Variants in AXDND1 observed in about 807,000 individuals in gnomAD.
The protein encoded by AXDND1 is axonemal dynein light chain domain containing 1.
Under a neutral mutation model 137.5 loss-of-function variants are expected in AXDND1, and 110 were observed. That is an observed-to-expected ratio of 0.80 (90% CI 0.69 to 0.94). The LOEUF (loss-of-function observed/expected upper bound fraction) is 0.94. AXDND1 is among the 40% of genes least tolerant of loss of function. AXDND1 has a pLI of 0.00. For missense variants in AXDND1, 1,191 were observed against 1,169.8 expected (o/e 1.02, Z -0.26); for synonymous variants, 414 against 399.7 (o/e 1.04, Z -0.43).
chr1:179,408,968 C>CTTTTT (rs74384865), intron 11 of AXDND1, among the ~76,000 whole-genome samples: 55 of 126,360 alleles, frequency 4.4e-4, no homozygotes, highest in African/African-American at 1.1e-3. Context: ...TTTTTTCTTT[C>CTTTTT]TTTTTTTTTT....
intron 17 of AXDND1, among the ~76,000 whole-genome samples, chr1:179,478,497 C>A (rs72721237): frequency 0.093 from 14,088 of 152,262 alleles, 918 homozygotes; most frequent in African/African-American, 0.17. Flanking sequence ...CCAGCTGTAT[C>A]TTGGACCCTT....
chr1:179,421,836 G>A (rs938150574), intron 12 of AXDND1, among the ~76,000 whole-genome samples: 2 of 150,974 alleles, frequency 1.3e-5, no homozygotes, highest in Admixed American at 1.3e-4. Flanking sequence ...TCAGGAGTTT[G>A]AGACCAGCCT....
chr1:179,542,096 A>G (rs754671439), intron 25 of AXDND1, among the ~76,000 whole-genome samples: 1 of 152,146 alleles, frequency 6.6e-6, no homozygotes. Context: ...TACGTGTTTG[A>G]CTTCATATGA....
intron 9 of AXDND1, among the ~76,000 whole-genome samples, chr1:179,392,290 G>A (rs1300752680): frequency 6.6e-6 from 1 of 152,190 alleles, no homozygotes; most frequent in East Asian, 1.9e-4. Flanking sequence ...CCAAGTTGCT[G>A]CAAATGCCAT....
At chr1:179,462,667 G>C (rs571312229) in intron 16 of AXDND1, among the ~76,000 whole-genome samples, 1 of 152,114 alleles carries the variant, frequency 6.6e-6, no homozygotes, top group African/African-American at 2.4e-5. Flanking sequence ...CTGTGAATCT[G>C]TCTGGTCCTG....
At chr1:179,379,796 CAAAAA>C (rs5779022) in intron 6 of AXDND1, among the ~76,000 whole-genome samples, 3 of 93,626 alleles carry the variant, frequency 3.2e-5, no homozygotes, top group African/African-American at 4.3e-5. Flanking sequence ...AACTCCATCT[CAAAAA>C]AAAAAAAAAA....
At chr1:179,375,516 A>G (rs1668507338) in intron 4 of AXDND1, among the ~76,000 whole-genome samples, 1 of 150,982 alleles carries the variant, frequency 6.6e-6, no homozygotes, top group Non-Finnish European at 1.5e-5. Context: ...TGTATAATGT[A>G]TACATATGCA....
At chr1:179,505,866 C>T (rs1457467878) in intron 20 of AXDND1, among the ~76,000 whole-genome samples, 1 of 152,120 alleles carries the variant, frequency 6.6e-6, no homozygotes, top group Non-Finnish European at 1.5e-5. Context: ...CTGATCCTGG[C>T]ATAGCTTGAT....
chr1:179,390,017 G>GTT (rs35107498), intron 9 of AXDND1, among the ~76,000 whole-genome samples: 1,840 of 140,842 alleles, frequency 0.013, 21 homozygotes, highest in Non-Finnish European at 0.015. Flanking sequence ...ACCTAGATCA[G>GTT]TTTTTTTTTT....
intron 23 of AXDND1, among the ~76,000 whole-genome samples, chr1:179,531,061 A>G (rs1670994852): frequency 6.6e-6 from 1 of 152,084 alleles, no homozygotes; most frequent in Non-Finnish European, 1.5e-5. Flanking sequence ...GGGCCAGGGT[A>G]TGGGTGTTGC....
chr1:179,449,012 A>T, intron 16 of AXDND1: 1 of 334,854 alleles, frequency 3.0e-6, no homozygotes, highest in Non-Finnish European at 5.9e-6. Context: ...TCAACCTCTG[A>T]GTAGCTAGGA....
intron 23 of AXDND1, among the ~76,000 whole-genome samples, chr1:179,530,962 A>G (rs140834375): frequency 2.2e-4 from 34 of 152,324 alleles, no homozygotes; most frequent in African/African-American, 8.2e-4. Context: ...GAAGCTGGCC[A>G]CACCACGTAG....
chr1:179,391,927 C>T (rs2125129480), intron 9 of AXDND1, among the ~76,000 whole-genome samples: 1 of 152,276 alleles, frequency 6.6e-6, no homozygotes, highest in Admixed American at 6.5e-5. Context: ...GACATGTTTG[C>T]TTTCCCTTCT....
chr1:179,481,424 A>G (rs1306535028), intron 17 of AXDND1, among the ~76,000 whole-genome samples: 1 of 152,216 alleles, frequency 6.6e-6, no homozygotes, highest in Non-Finnish European at 1.5e-5. Flanking sequence ...TGCTATTGTG[A>G]ATAGTGCCGC....
At chr1:179,447,713 C>T in intron 16 of AXDND1, 1 of 1,349,582 alleles carries the variant, frequency 7.4e-7, no homozygotes, top group Non-Finnish European at 1.1e-6. Context: ...GTAGGCATGA[C>T]TTTACCTAAA....
chr1:179,385,185 G>C, intron 8 of AXDND1, 53 bp from the exon 9 acceptor site: 1 of 1,519,168 alleles, frequency 6.6e-7, no homozygotes, highest in South Asian at 1.2e-5. Context: ...CTCCTAAAAT[G>C]TTTTTTACTA....
chr1:179,553,443 T>C (rs936915374), intron 25 of AXDND1, among the ~76,000 whole-genome samples: 1 of 152,244 alleles, frequency 6.6e-6, no homozygotes, highest in African/African-American at 2.4e-5. Context: ...GAAGTACTGA[T>C]TCATGCTCAA....
intron 11 of AXDND1, among the ~76,000 whole-genome samples, chr1:179,406,458 GA>G (rs1305060997): frequency 1.3e-5 from 2 of 152,050 alleles, no homozygotes; most frequent in Admixed American, 1.3e-4. Context: ...GTAGGGTTTT[GA>G]AGGCCCCAAC....
intron 21 of AXDND1, among the ~76,000 whole-genome samples, chr1:179,513,565 G>A (rs985812080): frequency 1.3e-5 from 2 of 152,106 alleles, no homozygotes; most frequent in African/African-American, 4.8e-5. Flanking sequence ...GTATTAGGGT[G>A]ATTCTGCCTT....
Sources: gnomAD v4.1 joint callset for allele counts (sites outside exome capture counted in the v4.1 genomes callset) on GRCh38, gnomAD v4.1.1 for gene constraint, MANE v1.5 for transcripts, NCBI Gene and HGNC (gene_info 2026-07-23, HGNC 2026-07-21) for gene names.